The following ANKRD26 variants were observed in gnomAD, a reference collection of about 807,000 sequenced individuals.
The protein encoded by ANKRD26 is ankyrin repeat domain-containing protein 26.
Under a neutral mutation model 208.7 loss-of-function variants are expected in ANKRD26, and 141 were observed. That is an observed-to-expected ratio of 0.68 (90% CI 0.59 to 0.78). The LOEUF is 0.78. Ranked by LOEUF, ANKRD26 falls within the 30% of genes least tolerant of loss-of-function variation. The pLI, the probability that ANKRD26 is intolerant of heterozygous loss-of-function variation, is 0.00. For missense variants in ANKRD26, 1,889 were observed against 1,938.7 expected (o/e 0.97, Z 0.48); for synonymous variants, 636 against 660.4 (o/e 0.96, Z 0.57).
At chr10:27,080,136 A>G (rs1274819591) in intron 6 of ANKRD26, 9 of 264,148 alleles carry the variant, frequency 3.4e-5, no homozygotes, top group Non-Finnish European at 5.5e-5. Flanking sequence ...CAGCCTGGGC[A>G]ACAGTGCAAG....
At chr10:27,094,867 G>A (rs2056415683) in intron 1 of ANKRD26, among the ~76,000 whole-genome samples, 1 of 152,078 alleles carries the variant, frequency 6.6e-6, no homozygotes, top group Non-Finnish European at 1.5e-5. Flanking sequence ...AGGCATGGTG[G>A]TGAACACCTG....
Position 27,100,432 on chromosome 10 carries a change from A to G in ANKRD26, c.-106T>C, listed in dbSNP as rs1284349476. On this transcript the variant is annotated 5_prime_UTR_variant, in exon 1 of 34. Transcript: ENST00000376087. ...GCCCCGGCTGGCCGCAGCCTCCCAA[A>G]GGAAACTCCGCGGTTTCCAATCTCT... is the stretch of plus-strand genomic sequence containing the variant. 2.0e-6 allele frequency: 3 copies of G among 1,514,370 alleles called. No homozygotes were observed. Among genetic ancestry groups the G allele is most frequent in the African/African-American group, 1.4e-5 (1 of 72,112 alleles). 93.8% of individuals were successfully genotyped at this position (1,514,370 alleles called of 1,614,324 possible).
At chr10:27,011,031 C>A (rs983729805) in intron 32 of ANKRD26, among the ~76,000 whole-genome samples, 1 of 152,094 alleles carries the variant, frequency 6.6e-6, no homozygotes, top group Non-Finnish European at 1.5e-5. Flanking sequence ...GTCTAAGAAA[C>A]CTTAGACTTG....
Position 27,100,176 on chromosome 10 carries a change from G to A in ANKRD26, c.151C>T (p.His51Tyr). The A allele has an allele frequency of 2.5e-6, 4 of 1,614,064 alleles. No individual in the cohort carries two copies. The highest frequency in any genetic ancestry group is 3.4e-6 in the Non-Finnish European group (4 of 1,179,970). ...ACATTACCCGCGCTGGCAGCTTTGT[G>A]GATCTTGCCGAGATCTCGGTCTCGG... ...HVRDRDLGKI[H>Y]KAASAGNVAK... The change falls in exon 1 of 34, where the codon CAC (histidine) becomes TAC (tyrosine). Residue 51 changes from histidine (H) to tyrosine (Y), a missense_variant. Around this residue, in one of 3 missense-constraint regions of ANKRD26, gnomAD observed 1,272 missense variants for 1,273.8 expected, o/e 1.00. Transcript: ENST00000376087.
rs556947760 is a variant in ANKRD26, at chr10:27,084,607, C to A, written c.710-1774G>T. Among the ~76,000 whole-genome samples, 43 of 152,214 alleles carry A rather than the reference C, an allele frequency of 2.8e-4. No homozygotes were observed. The South Asian group carries it at 8.7e-3, about 31-fold the overall frequency. On this transcript the variant is annotated intron_variant, in intron 5 of 33. Coordinates refer to ENST00000376087, the MANE Select transcript of ANKRD26 (RefSeq NM_014915.3). The stretch of plus-strand genomic sequence containing the variant: ...TTCTGGCCAGGTGCGGTGTCTCAAG[C>A]CTGTAATCCCAATACTTTGGGAGGC...
intron 19 of ANKRD26, among the ~76,000 whole-genome samples, chr10:27,043,827 T>A (rs1317604533): frequency 6.6e-6 from 1 of 152,088 alleles, no homozygotes; most frequent in Non-Finnish European, 1.5e-5. Context: ...GGTCTCGCTC[T>A]ATCACCCAGG....
At chr10:26,994,493 C>T (rs2052547898) in intron 5 of ANKRD26, among the ~76,000 whole-genome samples, 1 of 152,082 alleles carries the variant, frequency 6.6e-6, no homozygotes, top group Non-Finnish European at 1.5e-5. Flanking sequence ...ACAGGTATCC[C>T]CCTTTCTGTT....
intron 5 of ANKRD26, among the ~76,000 whole-genome samples, chr10:26,992,469 TACACAC>T (rs61459601): frequency 0.02 from 2,790 of 136,316 alleles, 43 homozygotes; most frequent in South Asian, 0.039. Flanking sequence ...TACACACACG[TACACAC>T]ACACACACAC....
At chr10:27,074,490 G>A (rs546683443) in intron 9 of ANKRD26, among the ~76,000 whole-genome samples, 45 of 152,274 alleles carry the variant, frequency 3.0e-4, no homozygotes, top group African/African-American at 1.1e-3. Context: ...AGACCACCCT[G>A]GCCAACATGG....
chr10:27,015,327 A>G (rs3824687), intron 30 of ANKRD26, among the ~76,000 whole-genome samples: 2,509 of 152,334 alleles, frequency 0.016, 154 homozygotes, highest in East Asian at 0.16. Flanking sequence ...GATCTCTTAC[A>G]GTAATTCTAC....
intron 29 of ANKRD26, among the ~76,000 whole-genome samples, chr10:27,019,205 A>C (rs1323296396): frequency 6.6e-6 from 1 of 152,130 alleles, no homozygotes. Flanking sequence ...GCATGAACCC[A>C]GGAGGCGGAG....
intron 11 of ANKRD26, 63 bp downstream of exon 11, chr10:27,066,424 T>C (rs2135489793): frequency 7.6e-7 from 1 of 1,307,352 alleles, no homozygotes; most frequent in East Asian, 2.3e-5. Flanking sequence ...AAAGCATCTC[T>C]TTATGTTTTA....
At chr10:27,082,561 G>A (rs1332568953) in intron 6 of ANKRD26, among the ~76,000 whole-genome samples, 1 of 152,178 alleles carries the variant, frequency 6.6e-6, no homozygotes, top group Non-Finnish European at 1.5e-5. Flanking sequence ...GGATTTGGGA[G>A]CCAAGCAGGC....
chr10:27,007,150 T>C (rs2052916614), intron 32 of ANKRD26, among the ~76,000 whole-genome samples, 188 bp from the exon 33 acceptor site: 1 of 152,208 alleles, frequency 6.6e-6, no homozygotes, highest in African/African-American at 2.4e-5. Flanking sequence ...TTAAAAAATG[T>C]GTAATGTTGT....
intron 21 of ANKRD26, 114 bp from the exon 22 acceptor site, chr10:27,038,168 T>C (rs2054105767): frequency 4.6e-6 from 4 of 867,414 alleles, no homozygotes; most frequent in Non-Finnish European, 7.1e-6. Flanking sequence ...TCTATGTTCT[T>C]GAATATTTTT....
intron 9 of ANKRD26, among the ~76,000 whole-genome samples, chr10:27,069,309 T>C (rs756257600): frequency 6.6e-6 from 1 of 151,946 alleles, no homozygotes; most frequent in Non-Finnish European, 1.5e-5. Context: ...GAGTGCAAGA[T>C]TTCTCCTGCT....
chr10:27,037,819 T>C, intron 22 of ANKRD26, 52 bp downstream of exon 22: 1 of 1,362,044 alleles, frequency 7.3e-7, no homozygotes, highest in Non-Finnish European at 1.0e-6. Flanking sequence ...GATGTGATAA[T>C]AGTGATGAAA....
At chr10:27,079,851 T>C (rs1264665907) in intron 6 of ANKRD26, among the ~76,000 whole-genome samples, 2 of 146,338 alleles carry the variant, frequency 1.4e-5, no homozygotes, top group African/African-American at 5.3e-5. Context: ...AGACACTGTC[T>C]CAAAAAAATA....
At chr10:26,986,038 G>C (rs528944165) in intron 3 of ANKRD26, among the ~76,000 whole-genome samples, 17 of 152,146 alleles carry the variant, frequency 1.1e-4, no homozygotes, top group Admixed American at 3.9e-4. Flanking sequence ...ATACTACAAG[G>C]CTACAGTAAC....
Sources: gnomAD v4.1 joint callset for allele counts (sites outside exome capture counted in the v4.1 genomes callset) on GRCh38, gnomAD v4.1.1 for gene constraint, gnomAD v4.1.1 regional missense constraint, MANE v1.5 for transcripts, NCBI Gene and HGNC (gene_info 2026-07-23, HGNC 2026-07-21) for gene names.